The following KIAA1217 variants were observed in gnomAD, a reference collection of about 807,000 sequenced individuals.
The protein encoded by KIAA1217 is sickle tail protein homolog.
In KIAA1217, 88 loss-of-function variants were observed where a neutral mutation model predicts 163.9. The observed-to-expected ratio is 0.54, with a 90% confidence interval of 0.45 to 0.64. The LOEUF (loss-of-function observed/expected upper bound fraction) is 0.64, where lower values mean the gene tolerates loss of function less well. Ranked by LOEUF, KIAA1217 falls within the 30% of genes least tolerant of loss-of-function variation. The pLI is 0.00. For missense variants in KIAA1217, 2,372 were observed against 2,475.0 expected (o/e 0.96, Z 0.88); for synonymous variants, 903 against 923.1 (o/e 0.98, Z 0.39).
chr10:24,059,602 G>A (rs1228023903), intron 2 of KIAA1217, among the ~76,000 whole-genome samples: 3 of 152,040 alleles, frequency 2.0e-5, no homozygotes, highest in Non-Finnish European at 2.9e-5. Flanking sequence ...TTTTTGAGAC[G>A]GAGCTCGCTC....
intron 2 of KIAA1217, among the ~76,000 whole-genome samples, chr10:24,154,563 A>G (rs1478003395): frequency 1.3e-5 from 2 of 152,126 alleles, no homozygotes; most frequent in East Asian, 1.9e-4. Flanking sequence ...GGAGTAGCCA[A>G]ATTCATAGAG....
intron 11 of KIAA1217, 27 bp from the exon 12 acceptor site, chr10:24,521,755 A>G (rs574217639): frequency 6.2e-7 from 1 of 1,603,180 alleles, no homozygotes; most frequent in South Asian, 1.1e-5. Flanking sequence ...TTTCTCCTCC[A>G]ATTCACCTGC....
chr10:24,348,788 C>G (rs2048107215), intron 2 of KIAA1217, among the ~76,000 whole-genome samples: 1 of 152,008 alleles, frequency 6.6e-6, no homozygotes, highest in African/African-American at 2.4e-5. Flanking sequence ...AAATTTAGGG[C>G]CCTAGCAAAG....
intron 2 of KIAA1217, among the ~76,000 whole-genome samples, chr10:24,085,902 G>A (rs2061682949): frequency 6.6e-6 from 1 of 152,040 alleles, no homozygotes; most frequent in African/African-American, 2.4e-5. Flanking sequence ...AAGCAGAGGA[G>A]GTTGAGGCTG....
chr10:24,497,052 C>T (rs193156179), intron 8 of KIAA1217, among the ~76,000 whole-genome samples: 61 of 152,282 alleles, frequency 4.0e-4, no homozygotes, highest in African/African-American at 1.3e-3. Context: ...CGTATCAGGG[C>T]GAGATATCGT....
chr10:23,981,244 C>T (rs1053411161), intron 1 of KIAA1217, among the ~76,000 whole-genome samples: 6 of 152,114 alleles, frequency 3.9e-5, no homozygotes, highest in African/African-American at 1.4e-4. Flanking sequence ...TTTAGGTATT[C>T]ATTTGAAATT....
intron 1 of KIAA1217, among the ~76,000 whole-genome samples, chr10:23,812,765 A>T (rs1320825319): frequency 6.6e-6 from 1 of 152,168 alleles, no homozygotes; most frequent in African/African-American, 2.4e-5. Flanking sequence ...TCTATTCTAG[A>T]TAATTTTATA....
intron 3 of KIAA1217, among the ~76,000 whole-genome samples, chr10:24,389,340 G>A (rs557189672): frequency 4.3e-4 from 65 of 151,752 alleles, no homozygotes; most frequent in Non-Finnish European, 7.7e-4. Flanking sequence ...TCATAGGTGG[G>A]AATTGAACAA....
chr10:23,973,308 G>C (rs1845401504), intron 1 of KIAA1217, among the ~76,000 whole-genome samples: 1 of 152,152 alleles, frequency 6.6e-6, no homozygotes, highest in Non-Finnish European at 1.5e-5. Flanking sequence ...ACCATTTATT[G>C]TGCACTTATT....
intron 2 of KIAA1217, among the ~76,000 whole-genome samples, chr10:24,225,246 CT>C (rs749365909): frequency 3.3e-5 from 5 of 152,182 alleles, no homozygotes; most frequent in Admixed American, 2.6e-4. Flanking sequence ...TCACCTTAGC[CT>C]CCTGAGTAGC....
At chr10:23,992,651 G>A (rs1846270245) in intron 1 of KIAA1217, among the ~76,000 whole-genome samples, 1 of 147,306 alleles carries the variant, frequency 6.8e-6, no homozygotes, top group South Asian at 2.1e-4. Context: ...GGGATAAGAA[G>A]GAACGCATCC....
At chr10:24,385,468 T>G (rs1461223791) in intron 3 of KIAA1217, among the ~76,000 whole-genome samples, 1 of 152,176 alleles carries the variant, frequency 6.6e-6, no homozygotes, top group African/African-American at 2.4e-5. Flanking sequence ...GGTGTCTACT[T>G]CTCATTTGGG....
intron 2 of KIAA1217, among the ~76,000 whole-genome samples, chr10:24,095,516 C>T (rs866250488): frequency 1.3e-4 from 20 of 152,178 alleles, no homozygotes; most frequent in African/African-American, 4.6e-4. Context: ...ACCACCCTCT[C>T]CAGCCTTCCT....
intron 2 of KIAA1217, among the ~76,000 whole-genome samples, chr10:24,352,532 A>G (rs1008894567): frequency 6.6e-6 from 1 of 152,188 alleles, no homozygotes; most frequent in African/African-American, 2.4e-5. Context: ...AACCAATCAA[A>G]TGTTCCATCT....
chr10:23,782,829 C>T (rs1332582206), intron 1 of KIAA1217, among the ~76,000 whole-genome samples: 2 of 152,050 alleles, frequency 1.3e-5, no homozygotes, highest in Non-Finnish European at 2.9e-5. Flanking sequence ...CCTTTAATTA[C>T]TCGTTATTAT....
chr10:23,843,198 T>A (rs997771864), intron 1 of KIAA1217, among the ~76,000 whole-genome samples: 9 of 152,218 alleles, frequency 5.9e-5, no homozygotes, highest in African/African-American at 2.2e-4. Context: ...GGTAGAATCA[T>A]GCTATGGCCA....
intron 1 of KIAA1217, among the ~76,000 whole-genome samples, chr10:23,991,474 G>A (rs556101348): frequency 1.1e-4 from 16 of 152,332 alleles, no homozygotes; most frequent in Middle Eastern, 3.4e-3. Context: ...GCATGAAGAA[G>A]TGAGATCATA....
At chr10:23,988,117 C>CCCAT (rs1471943394) in intron 1 of KIAA1217, among the ~76,000 whole-genome samples, 1 of 125,026 alleles carries the variant, frequency 8.0e-6, no homozygotes. Context: ...CTGTCCAGCA[C>CCCAT]TCCCTTGCCA....
intron 2 of KIAA1217, among the ~76,000 whole-genome samples, chr10:24,193,787 T>A (rs2066841115): frequency 6.9e-6 from 1 of 144,876 alleles, no homozygotes; most frequent in Non-Finnish European, 1.5e-5. Context: ...ATGAACTCCA[T>A]CTGCAGCGTT....
Sources: gnomAD v4.1 joint callset for allele counts (sites outside exome capture counted in the v4.1 genomes callset) on GRCh38, gnomAD v4.1.1 for gene constraint, MANE v1.5 for transcripts, NCBI Gene and HGNC (gene_info 2026-07-23, HGNC 2026-07-21) for gene names.